Variants in CADM2 observed in about 807,000 individuals in gnomAD.
CADM2 encodes the protein cell adhesion molecule 2.
In CADM2, 12 loss-of-function variants were observed where a neutral mutation model predicts 49.8. That is an observed-to-expected ratio of 0.24 (90% CI 0.15 to 0.39). The LOEUF (loss-of-function observed/expected upper bound fraction) is 0.39. CADM2 is among the 10% of genes least tolerant of loss of function. CADM2 has a pLI of 1.00. For missense variants in CADM2, 378 were observed against 492.3 expected (o/e 0.77, Z 2.20); for synonymous variants, 214 against 175.4 (o/e 1.22, Z -1.74).
chr3:85,557,856 A>G (rs1339071173), intron 1 of CADM2, among the ~76,000 whole-genome samples: 2 of 152,148 alleles, frequency 1.3e-5, no homozygotes, highest in East Asian at 3.9e-4. Context: ...TCCTTCATAA[A>G]GACATTTTTT....
chr3:85,064,244 G>C (rs1023381276), intron 1 of CADM2, among the ~76,000 whole-genome samples: 1 of 151,986 alleles, frequency 6.6e-6, no homozygotes, highest in Non-Finnish European at 1.5e-5. Context: ...AGAGTACTTT[G>C]TTTCCTACCA....
At chr3:85,307,696 C>G (rs1330779333) in intron 1 of CADM2, among the ~76,000 whole-genome samples, 1 of 151,630 alleles carries the variant, frequency 6.6e-6, no homozygotes, top group African/African-American at 2.4e-5. Flanking sequence ...GTTCTGTCAT[C>G]TCATAAGATA....
intron 1 of CADM2, among the ~76,000 whole-genome samples, chr3:85,443,280 C>T (rs2037294573): frequency 1.3e-5 from 2 of 152,058 alleles, no homozygotes; most frequent in South Asian, 4.1e-4. Flanking sequence ...CTAGCAATTA[C>T]AGGAAAACAT....
At chr3:86,021,993 T>C (rs1733251882) in intron 8 of CADM2, among the ~76,000 whole-genome samples, 1 of 151,968 alleles carries the variant, frequency 6.6e-6, no homozygotes, top group Non-Finnish European at 1.5e-5. Flanking sequence ...TGCCACACAC[T>C]CAAAAAAAGG....
chr3:85,349,303 C>A (rs2031098417), intron 1 of CADM2, among the ~76,000 whole-genome samples: 1 of 152,144 alleles, frequency 6.6e-6, no homozygotes, highest in South Asian at 2.1e-4. Flanking sequence ...AGTGATATTT[C>A]TTACATACTC....
At chr3:85,878,016 A>G (rs573802580) in intron 3 of CADM2, among the ~76,000 whole-genome samples, 4 of 152,222 alleles carry the variant, frequency 2.6e-5, no homozygotes, top group African/African-American at 9.6e-5. Flanking sequence ...AGATGACATC[A>G]TAAGTGTTTG....
intron 1 of CADM2, among the ~76,000 whole-genome samples, chr3:85,158,333 A>G (rs969120823): frequency 2.0e-5 from 3 of 152,214 alleles, no homozygotes; most frequent in Non-Finnish European, 4.4e-5. Context: ...CAGCCATCCC[A>G]TTACTGGGTA....
chr3:85,321,212 G>A (rs2044605274), intron 1 of CADM2, among the ~76,000 whole-genome samples: 2 of 130,276 alleles, frequency 1.5e-5, no homozygotes, highest in South Asian at 5.4e-4. Context: ...TTGCTCTGTT[G>A]CCCAGGCTGG....
intron 2 of CADM2, among the ~76,000 whole-genome samples, chr3:85,732,559 G>T (rs551820959): frequency 4.3e-4 from 63 of 147,912 alleles, no homozygotes; most frequent in Middle Eastern, 3.5e-3. Context: ...TAAGAAAATT[G>T]CTGAAGACAC....
At chr3:84,995,872 T>G (rs1575996290) in intron 1 of CADM2, among the ~76,000 whole-genome samples, 3 of 152,188 alleles carry the variant, frequency 2.0e-5, no homozygotes, top group Admixed American at 6.5e-5. Flanking sequence ...ATGGCTGAAA[T>G]GCCTGATGGG....
intron 1 of CADM2, among the ~76,000 whole-genome samples, chr3:85,217,357 G>A (rs1156762624): frequency 1.3e-5 from 2 of 151,908 alleles, no homozygotes; most frequent in African/African-American, 4.8e-5. Flanking sequence ...TAAAATGTAT[G>A]TCATTGTAGA....
chr3:85,581,120 A>G (rs2062782248), intron 1 of CADM2, among the ~76,000 whole-genome samples: 1 of 152,148 alleles, frequency 6.6e-6, no homozygotes, highest in South Asian at 2.1e-4. Flanking sequence ...ATGTTTAGAA[A>G]CATGCCTAAT....
chr3:85,126,301 G>A (rs1359909572), intron 1 of CADM2, among the ~76,000 whole-genome samples: 1 of 152,098 alleles, frequency 6.6e-6, no homozygotes, highest in African/African-American at 2.4e-5. Flanking sequence ...CTCTGTTCTA[G>A]GAGCAGGGAA....
At chr3:85,473,792 T>C (rs1033153138) in intron 1 of CADM2, among the ~76,000 whole-genome samples, 6 of 152,114 alleles carry the variant, frequency 3.9e-5, no homozygotes, top group Admixed American at 3.3e-4. Context: ...TGTAGGTTCA[T>C]ATATTGAAAA....
intron 8 of CADM2, among the ~76,000 whole-genome samples, chr3:86,041,061 TA>T (rs1293918166): frequency 5.9e-5 from 9 of 152,114 alleles, no homozygotes; most frequent in African/African-American, 2.2e-4. Flanking sequence ...AGGCCTGCCC[TA>T]AAAGAGCTCC....
rs148967356 is a variant in CADM2 at position 85,449,407 on chromosome 3, C to A, written c.62-277115C>A. 3.4e-3 allele frequency among the ~76,000 whole-genome samples: 520 copies of A among 152,046 alleles called. 4 individuals are homozygous for A. The highest frequency in any genetic ancestry group is 0.012 in the African/African-American group (494 of 41,478). The stretch of plus-strand genomic sequence containing the variant: ...CATGAACTATCAATGTATAAAGACG[C>A]TTTGCTCCTATTTATACAGTTTGGG... On this transcript the variant is annotated intron_variant, in intron 1 of 9. Transcript: ENST00000383699.
chr3:85,376,759 T>A (rs1384932616), intron 1 of CADM2, among the ~76,000 whole-genome samples: 1 of 152,068 alleles, frequency 6.6e-6, no homozygotes, highest in East Asian at 1.9e-4. Flanking sequence ...TTGGACTTCA[T>A]AAGCAACATT....
In CADM2 at chr3:86,005,274, G is replaced by A. The variant is rs531404648; in HGVS notation, c.970+43627G>A. Reference sequence around the variant, plus strand: ...TTGTTTTTTAAATAATTTTGTGGCCGGGCGTGGTGGCTCATGCCTGTAATC... The same window carrying A: ...TTGTTTTTTAAATAATTTTGTGGCCAGGCGTGGTGGCTCATGCCTGTAATC... On this transcript the variant is annotated intron_variant, in intron 8 of 9. Transcript: ENST00000383699. 2.8e-4 allele frequency among the ~76,000 whole-genome samples: 42 copies of A among 152,158 alleles called. No individual in the cohort carries two copies. The South Asian group carries it at 7.5e-3, about 27-fold the overall frequency.
intron 1 of CADM2, among the ~76,000 whole-genome samples, chr3:85,500,983 T>C (rs2040092761): frequency 1.3e-5 from 2 of 152,176 alleles, no homozygotes; most frequent in African/African-American, 4.8e-5. Context: ...TGTGGATATA[T>C]GTGAAAACAT....
Sources: allele counts gnomAD v4.1 joint callset (sites outside exome capture counted in the v4.1 genomes callset), GRCh38; gene constraint gnomAD v4.1.1; transcripts MANE v1.5; gene names NCBI Gene and HGNC (gene_info 2026-07-23, HGNC 2026-07-21).